SENP7: variants seen among roughly 807,000 people sequenced by gnomAD.
The protein encoded by SENP7 is SUMO specific peptidase 7, also known as sentrin-specific protease 7.
SENP7 carries 64 observed loss-of-function variants against 141.2 expected under a neutral mutation model. The observed-to-expected ratio is 0.45, with a 90% CI of 0.37 to 0.56. The LOEUF (loss-of-function observed/expected upper bound fraction) is 0.56, where lower values mean the gene tolerates loss of function less well. Among genes scored for constraint, SENP7 ranks in the 20% least tolerant of loss-of-function variants. SENP7 has a pLI of 0.00. For synonymous variants in SENP7, 382 were observed against 426.4 expected, an observed-to-expected ratio of 0.90 and a Z score of 1.28; for missense variants, 1,025 against 1,212.2, an observed-to-expected ratio of 0.85 and a Z score of 2.29.
chr3:101,361,304 G>C (rs541751258), intron 11 of SENP7, among the ~76,000 whole-genome samples: 128 of 151,786 alleles, frequency 8.4e-4, no homozygotes, highest in African/African-American at 3.0e-3. Flanking sequence ...TTTTTAATTA[G>C]AAAAACAGCG....
chr3:101,419,381 C>G (rs1178948893), intron 4 of SENP7, among the ~76,000 whole-genome samples: 4 of 152,074 alleles, frequency 2.6e-5, no homozygotes, highest in Non-Finnish European at 5.9e-5. Flanking sequence ...GAGATCAGAG[C>G]TACACTTTTA....
Position 101,463,376 on chromosome 3 carries a change from T to TATATATATATATATATATATAC in SENP7, c.187-4346_187-4325dup. Among the ~76,000 whole-genome samples, 2 of 85,270 alleles carry TATATATATATATATATATATAC rather than the reference T, an allele frequency of 2.3e-5. 1 individual carries two copies. The highest frequency in any genetic ancestry group is 4.4e-5 in the Non-Finnish European group (2 of 44,944). 55.9% of individuals were successfully genotyped at this position (85,270 alleles called of 152,430 possible). The stretch of plus-strand genomic sequence containing the variant: ...AAATAAATAAATAAATATATATATA[T>TATATATATATATATATATATAC]ATATATATATATATATATATACATA... On this transcript the variant is annotated intron_variant, in intron 3 of 23. Coordinates refer to ENST00000394095, the MANE Select transcript of SENP7 (RefSeq NM_020654.5).
chr3:101,357,293 G>A (rs1381121784), intron 11 of SENP7: 24 of 585,106 alleles, frequency 4.1e-5, no homozygotes, highest in Non-Finnish European at 6.1e-5. Context: ...GAGCCACCGC[G>A]AGGAGTGGCA....
chr3:101,391,576 C>CAAG (rs2060817259), intron 6 of SENP7, among the ~76,000 whole-genome samples: 1 of 152,006 alleles, frequency 6.6e-6, no homozygotes, highest in Non-Finnish European at 1.5e-5. Flanking sequence ...TAACAAGCAA[C>CAAG]AAGATCAAAG....
chr3:101,454,400 T>C (rs1370625727), intron 4 of SENP7, among the ~76,000 whole-genome samples: 1 of 151,936 alleles, frequency 6.6e-6, no homozygotes, highest in Non-Finnish European at 1.5e-5. Context: ...TAGTCCCAAC[T>C]ACTTGGTGGG....
At chr3:101,503,396 C>T (rs1013846199) in intron 1 of SENP7, among the ~76,000 whole-genome samples, 1 of 152,196 alleles carries the variant, frequency 6.6e-6, no homozygotes, top group African/African-American at 2.4e-5. Context: ...AAATAACCAA[C>T]AGAAATAAGA....
chr3:101,434,452 T>G (rs1008147524), intron 4 of SENP7, among the ~76,000 whole-genome samples: 22 of 151,670 alleles, frequency 1.5e-4, no homozygotes, highest in African/African-American at 4.6e-4. Flanking sequence ...GAAATTGAAA[T>G]TTTAAAAATA....
At chr3:101,374,268 T>G (rs754207712) in intron 6 of SENP7, among the ~76,000 whole-genome samples, 3 of 152,098 alleles carry the variant, frequency 2.0e-5, no homozygotes, top group African/African-American at 7.2e-5. Context: ...AAGGAAGAAG[T>G]TGGACAGTTA....
intron 15 of SENP7, 161 bp from the exon 16 acceptor site, chr3:101,340,372 T>C (rs2059298644): frequency 1.2e-6 from 1 of 864,876 alleles, no homozygotes; most frequent in Non-Finnish European, 1.7e-6. Flanking sequence ...TTCCTTCCTT[T>C]ATCCTCACAA....
At chr3:101,356,741 T>G (rs1559711137) in intron 11 of SENP7, among the ~76,000 whole-genome samples, 1 of 152,310 alleles carries the variant, frequency 6.6e-6, no homozygotes, top group East Asian at 1.9e-4. Flanking sequence ...AAAAAAGTGT[T>G]TCCAAATTCA....
At chr3:101,431,455 G>C (rs1306187535) in intron 4 of SENP7, among the ~76,000 whole-genome samples, 1 of 144,986 alleles carries the variant, frequency 6.9e-6, no homozygotes, top group Non-Finnish European at 1.5e-5. Context: ...TGGTTTTTCT[G>C]ATCTTGGTTG....
rs112440329 is a variant in SENP7, at chr3:101,425,727, A to C, written c.285-7937T>G. 1.3e-4 allele frequency among the ~76,000 whole-genome samples: 20 copies of C among 152,346 alleles called. 1 individual carries two copies. Among genetic ancestry groups the C allele is most frequent in the African/African-American group, 4.8e-4 (20 of 41,586 alleles). On this transcript the variant is annotated intron_variant, in intron 4 of 23. Transcript: ENST00000394095. Reference sequence around the variant, plus strand: ...GGAATGAAAATCATTGAGATGCAAGAGTATGTTGAAAACCAATCCAAGGAA... The same window carrying C: ...GGAATGAAAATCATTGAGATGCAAGCGTATGTTGAAAACCAATCCAAGGAA...
At chr3:101,455,996 G>A (rs1352356716) in intron 4 of SENP7, among the ~76,000 whole-genome samples, 5 of 152,132 alleles carry the variant, frequency 3.3e-5, no homozygotes. Context: ...AGACAACTAG[G>A]ATTTGGAAAT....
At chr3:101,425,346 G>A (rs1293828588) in intron 4 of SENP7, among the ~76,000 whole-genome samples, 1 of 152,136 alleles carries the variant, frequency 6.6e-6, no homozygotes, top group Non-Finnish European at 1.5e-5. Flanking sequence ...CAAAGTTGGG[G>A]TCTGATACAA....
chr3:101,385,848 G>A (rs1213844881), intron 6 of SENP7, among the ~76,000 whole-genome samples: 1 of 152,176 alleles, frequency 6.6e-6, no homozygotes, highest in Non-Finnish European at 1.5e-5. Context: ...ACTAAAAAAG[G>A]TAGCTCTCCT....
chr3:101,417,692 T>C lies in SENP7; in HGVS notation c.383A>G (p.Asn128Ser), dbSNP rs1343549945. 6.2e-7 allele frequency: 1 copy of C among 1,613,858 alleles called. No individual in the cohort carries two copies. Among genetic ancestry groups the C allele is most frequent in the African/African-American group, 1.3e-5 (1 of 74,952 alleles). ...AGGCAATGAGTCTGATTGCACCTTGTTGGCATCACATAAATTAGCATCGTT... is the reference window on the plus strand; with the variant it reads ...AGGCAATGAGTCTGATTGCACCTTGCTGGCATCACATAAATTAGCATCGTT... ...PRNDANLCDA[N>S]KVQSDSLPST... Residue 128 changes from asparagine (N) to serine (S), a missense_variant, in exon 5 of 24, where the codon AAC becomes AGC. By Grantham distance (46) the Asn-to-Ser change is conservative. Coordinates refer to ENST00000394095, the MANE Select transcript of SENP7 (RefSeq NM_020654.5).
intron 19 of SENP7, among the ~76,000 whole-genome samples, chr3:101,331,426 T>G (rs1485887191): frequency 6.7e-6 from 1 of 148,572 alleles, no homozygotes. Context: ...GAGGTTGCAA[T>G]GAGCTATAAC....
At position 101,324,466 on chromosome 3, in the gene SENP7, T is replaced by G. The variant is rs2058852828; in HGVS notation, c.*1477A>C. On this transcript the variant is annotated 3_prime_UTR_variant, in exon 24 of 24. Transcript: ENST00000394095. Reference sequence around the variant, plus strand: ...ATAGACTTGCTTTCCCAAAATTAGATGTACAAAACAATAGTCACCTTTAAA... The same window carrying G: ...ATAGACTTGCTTTCCCAAAATTAGAGGTACAAAACAATAGTCACCTTTAAA... 6.6e-6 allele frequency: 1 copy of G among 152,022 alleles called. No homozygotes were observed. Among genetic ancestry groups the G allele is most frequent in the Non-Finnish European group, 1.5e-5 (1 of 67,948 alleles). 9.4% of individuals were successfully genotyped at this position (152,022 alleles called of 1,614,324 possible).
intron 6 of SENP7, among the ~76,000 whole-genome samples, chr3:101,379,772 C>A (rs2060443067): frequency 6.6e-6 from 1 of 152,102 alleles, no homozygotes; most frequent in Non-Finnish European, 1.5e-5. Context: ...ATGATGTTTC[C>A]TCAAAAAGCT....
Sources: allele counts gnomAD v4.1 joint callset (sites outside exome capture counted in the v4.1 genomes callset), GRCh38; gene constraint gnomAD v4.1.1; transcripts MANE v1.5; gene names NCBI Gene and HGNC (gene_info 2026-07-23, HGNC 2026-07-21).